KLHL26: variants seen among roughly 807,000 people sequenced by gnomAD.
The protein encoded by KLHL26 is kelch-like protein 26.
A neutral mutation model predicts 7.1 loss-of-function variants in KLHL26; 4 were observed. The observed-to-expected ratio is 0.56, with a 90% confidence interval of 0.28 to 1.28. The LOEUF (loss-of-function observed/expected upper bound fraction) is 1.28, where lower values mean the gene tolerates loss of function less well. KLHL26 is among the 50% of genes most tolerant of loss of function. The pLI, the probability that KLHL26 is intolerant of heterozygous loss-of-function variation, is 0.11. For synonymous variants in KLHL26, 465 were observed against 414.1 expected, an observed-to-expected ratio of 1.12 and a Z score of -1.49; for missense variants, 896 against 924.6, an observed-to-expected ratio of 0.97 and a Z score of 0.40.
rs769696139 is a variant in KLHL26, at chr19:18,667,818, G to A, written c.421G>A (p.Val141Met). ...CGTGCAGGACGTGCTGGGCGCGGCC[G>A]TGTTCTTGCAGATGCTGCCCGTGGT... ...DCVQDVLGAA[V>M]FLQMLPVVEL... The change falls in exon 3 of 3, where the codon GTG becomes ATG. Residue 141 changes from valine (V) to methionine (M), a missense_variant. Coordinates refer to ENST00000300976, the MANE Select transcript of KLHL26 (RefSeq NM_018316.3). 1.2e-6 allele frequency: 2 copies of A among 1,613,306 alleles called. No individual in the cohort carries two copies. Among genetic ancestry groups the A allele is most frequent in the African/African-American group, 1.3e-5 (1 of 75,060 alleles).
chr19:18,639,996 G>A (rs1793419587), intron 1 of KLHL26, among the ~76,000 whole-genome samples: 1 of 151,552 alleles, frequency 6.6e-6, no homozygotes, highest in African/African-American at 2.4e-5. Flanking sequence ...TCAGAAATTT[G>A]TTCTTTTTCA....
intron 1 of KLHL26, among the ~76,000 whole-genome samples, chr19:18,644,818 G>A (rs1183145690): frequency 1.3e-5 from 2 of 152,072 alleles, no homozygotes; most frequent in Non-Finnish European, 2.9e-5. Flanking sequence ...GTCCCACGAA[G>A]GTTTTGTCTT....
At position 18,668,817 on chromosome 19, in the gene KLHL26, G is replaced by A; in HGVS notation, c.1420G>A (p.Asp474Asn). The change falls in exon 3 of 3, where the codon GAC becomes AAC. Residue 474 changes from aspartate (D) to asparagine (N), a missense_variant. Transcript: ENST00000300976. ...ISGGYGISVE[D>N]KKALHCYDPV... ...GGGTGGCTACGGGATCTCAGTGGAGGACAAGAAGGCCCTGCACTGCTACGA... is the reference window on the plus strand; with the variant it reads ...GGGTGGCTACGGGATCTCAGTGGAGAACAAGAAGGCCCTGCACTGCTACGA... 1 of 1,595,666 alleles carries A rather than the reference G, an allele frequency of 6.3e-7. No individual in the cohort carries two copies. The highest frequency in any genetic ancestry group is 8.5e-7 in the Non-Finnish European group (1 of 1,177,932).
intron 1 of KLHL26, among the ~76,000 whole-genome samples, chr19:18,655,843 T>C (rs1381698628): frequency 1.3e-5 from 2 of 149,508 alleles, no homozygotes; most frequent in East Asian, 1.9e-4. Flanking sequence ...CTGTGCATAA[T>C]GTCTTCCTGT....
In KLHL26 at chr19:18,648,602, C is replaced by A. The variant is rs1236239526; in HGVS notation, c.83+11465C>A. Among the ~76,000 whole-genome samples the A allele has an allele frequency of 1.3e-5, 2 of 152,310 alleles. No individual in the cohort carries two copies. ...GCCACCTGGCCTAGGGGATTCGCAG[C>A]CCTTCCTGTGTTCCAGAAAAGCCCT... On this transcript the variant is annotated intron_variant, in intron 1 of 2. Coordinates refer to ENST00000300976, the MANE Select transcript of KLHL26 (RefSeq NM_018316.3). The surrounding 1 kb of genome is among the most constrained non-coding windows in gnomAD (Gnocchi z 4.9).
At position 18,668,363 on chromosome 19, in the gene KLHL26, C is replaced by G. The variant is rs753058540; in HGVS notation, c.966C>G (p.Ser322Arg). The G allele has an allele frequency of 6.2e-7, 1 of 1,607,336 alleles. No individual in the cohort carries two copies. The highest frequency in any genetic ancestry group is 8.5e-7 in the Non-Finnish European group (1 of 1,178,618). Residue 322 changes from serine to arginine, a missense_variant, in exon 3 of 3, where the codon AGC becomes AGG. Coordinates refer to ENST00000300976, the MANE Select transcript of KLHL26 (RefSeq NM_018316.3). The part of the protein sequence containing the change: ...VTFGGTPYTD[S>R]DRSVSSKVYQ... ...TCGGCGGCACGCCCTACACCGACAG[C>G]GACCGCTCGGTCAGCAGCAAGGTCT...
chr19:18,642,428 C>T (rs1976730340), intron 1 of KLHL26, among the ~76,000 whole-genome samples: 1 of 150,824 alleles, frequency 6.6e-6, no homozygotes, highest in African/African-American at 2.4e-5. Flanking sequence ...AGTGCAGTGG[C>T]ATGGTCACTG....
chr19:18,654,231 C>T (rs2052301395), intron 1 of KLHL26, among the ~76,000 whole-genome samples: 1 of 138,392 alleles, frequency 7.2e-6, no homozygotes, highest in African/African-American at 2.7e-5. Flanking sequence ...TCTGCCCTTC[C>T]ATCCACTCAT....
intron 1 of KLHL26, among the ~76,000 whole-genome samples, chr19:18,662,836 C>T (rs141216710): frequency 0.012 from 1,838 of 151,702 alleles, 22 homozygotes; most frequent in Non-Finnish European, 0.018. Context: ...CAAGTGGGAT[C>T]GGGGCCGATG....
intron 1 of KLHL26, among the ~76,000 whole-genome samples, chr19:18,654,880 T>C (rs1178518957): frequency 6.6e-6 from 1 of 152,154 alleles, no homozygotes; most frequent in East Asian, 1.9e-4. Context: ...ATTTGACTGC[T>C]CATCCACCCA....
intron 1 of KLHL26, among the ~76,000 whole-genome samples, chr19:18,642,838 A>AT (rs528294231): frequency 0.13 from 19,416 of 144,220 alleles, 1,274 homozygotes; most frequent in Non-Finnish European, 0.15. Context: ...AACACACCTA[A>AT]TTTTTTTTTT....
At chr19:18,641,860 C>T (rs987631183) in intron 1 of KLHL26, among the ~76,000 whole-genome samples, 5 of 152,122 alleles carry the variant, frequency 3.3e-5, no homozygotes, top group Non-Finnish European at 7.4e-5. Flanking sequence ...ATCTCTTGAC[C>T]TTGTGATCTG....
At chr19:18,639,699 T>C (rs1736467110) in intron 1 of KLHL26, among the ~76,000 whole-genome samples, 1 of 152,062 alleles carries the variant, frequency 6.6e-6, no homozygotes, top group South Asian at 2.1e-4. Context: ...TGTGAACCAC[T>C]GTGCTCAACC....
At position 18,650,149 on chromosome 19, in the gene KLHL26, A is replaced by G. The variant is rs541595276; in HGVS notation, c.83+13012A>G. ...GAGGCCGAAGATGTTTACTGACGCC[A>G]CAACTGTGAAATTCCACAGGGGTCA... On this transcript the variant is annotated intron_variant, in intron 1 of 2. Transcript: ENST00000300976. The surrounding 1 kb of genome is among the most constrained non-coding windows in gnomAD (Gnocchi z 4.2). Among the ~76,000 whole-genome samples the G allele has an allele frequency of 6.6e-5, 10 of 152,312 alleles. No individual in the cohort carries two copies. The East Asian group carries it at 1.9e-3, about 29-fold the overall frequency.
Position 18,656,098 on chromosome 19 carries a change from C to T in KLHL26, c.84-8163C>T, listed in dbSNP as rs978741568. On this transcript the variant is annotated intron_variant, in intron 1 of 2. Transcript: ENST00000300976. The surrounding 1 kb of genome is among the most constrained non-coding windows in gnomAD (Gnocchi z 4.4). ...GCTTGCAAACCACTGCACCTCTAAC[C>T]CCCTGTTTTCTGGAAGGTTTGAGCA... is the stretch of plus-strand genomic sequence containing the variant. Among the ~76,000 whole-genome samples the T allele has an allele frequency of 6.6e-6, 1 of 152,144 alleles. No individual in the cohort carries two copies. The highest frequency in any genetic ancestry group is 2.4e-5 in the African/African-American group (1 of 41,426).
intron 1 of KLHL26, among the ~76,000 whole-genome samples, chr19:18,663,215 C>A (rs759263630): frequency 6.6e-5 from 10 of 152,340 alleles, no homozygotes; most frequent in Admixed American, 1.3e-4. Flanking sequence ...GGGGCTTGGG[C>A]AACTTCTCTG....
At position 18,669,784 on chromosome 19, in the gene KLHL26, G is replaced by A. The variant is rs1712330542; in HGVS notation, c.*539G>A. On this transcript the variant is annotated 3_prime_UTR_variant, in exon 3 of 3. Transcript: ENST00000300976. ...GAGGTGGCTTAGAAGCCCCTGGTTT[G>A]GGGTGGGTGGAGGAGGAGGGCACGT... The A allele has an allele frequency of 6.4e-6, 1 of 156,792 alleles. No individual in the cohort carries two copies. The highest frequency in any genetic ancestry group is 1.4e-5 in the Non-Finnish European group (1 of 71,530). The allele number at this position is 156,792 out of a possible 1,614,324, so 9.7% of individuals were successfully genotyped here. A position where few individuals can be genotyped will look rare whatever the true frequency, so the allele number is the denominator to read the frequency against.
intron 1 of KLHL26, among the ~76,000 whole-genome samples, chr19:18,638,368 C>A (rs570872533): frequency 1.3e-5 from 2 of 152,274 alleles, no homozygotes; most frequent in East Asian, 3.9e-4. Flanking sequence ...ACAGAGGAGG[C>A]AAAGGCCCTG....
chr19:18,659,789 G>C (rs528141098), intron 1 of KLHL26: 1 of 152,252 alleles, frequency 6.6e-6, no homozygotes, highest in Non-Finnish European at 1.5e-5. Context: ...TGACAGGTGC[G>C]TGCCCCTCAC....
Sources: allele counts gnomAD v4.1 joint callset (sites outside exome capture counted in the v4.1 genomes callset), GRCh38; gene constraint gnomAD v4.1.1; non-coding constraint Gnocchi (gnomAD v3.1); transcripts MANE v1.5; gene names NCBI Gene and HGNC (gene_info 2026-07-23, HGNC 2026-07-21).